ANPEP: variants seen among roughly 807,000 people sequenced by gnomAD.
ANPEP encodes alanyl aminopeptidase, membrane.
Under a neutral mutation model 114.6 loss-of-function variants are expected in ANPEP, and 70 were observed. The ratio of observed to expected loss-of-function variants is 0.61; its 90% confidence interval spans 0.50 to 0.75. ANPEP has a LOEUF of 0.75. Among genes scored for constraint, ANPEP ranks in the 30% least tolerant of loss-of-function variants. The pLI, the probability that ANPEP is intolerant of heterozygous loss-of-function variation, is 0.00. For missense variants in ANPEP, 1,184 were observed against 1,259.5 expected, an observed-to-expected ratio of 0.94 and a Z score of 0.91; for synonymous variants, 548 against 522.3, an observed-to-expected ratio of 1.05 and a Z score of -0.67.
chr15:89,808,373 G>A (rs929784869), intron 1 of ANPEP, among the ~76,000 whole-genome samples: 8 of 152,214 alleles, frequency 5.3e-5, no homozygotes, highest in Non-Finnish European at 7.3e-5. Flanking sequence ...AGAACTCAGC[G>A]TGGTTTTCCC....
intron 20 of ANPEP, among the ~76,000 whole-genome samples, chr15:89,789,775 CAA>C (rs57965822): frequency 6.2e-5 from 6 of 97,470 alleles, no homozygotes; most frequent in Non-Finnish European, 8.2e-5. Context: ...GACTCAGTCT[CAA>C]AAAAAAAAAA....
rs1968613478 is a variant in ANPEP at position 89,791,047 on chromosome 15, C to T, written c.2575G>A (p.Ala859Thr). 3.1e-6 allele frequency: 5 copies of T among 1,614,104 alleles called. No homozygotes were observed. Among genetic ancestry groups the T allele is most frequent in the Non-Finnish European group, 3.4e-6 (4 of 1,180,050 alleles). Residue 859 changes from alanine (A) to threonine (T), a missense_variant, in exon 19 of 21, where the codon GCC (alanine) becomes ACC (threonine). Transcript: ENST00000300060. ...GTAATGCTGATGATGGTAGAGGTGG[C>T]GTCCTGCTTCCGGATTAAGTCCGGG... is the stretch of plus-strand genomic sequence containing the variant. ...LNPDLIRKQD[A>T]TSTIISITNN...
intron 15 of ANPEP, chr15:89,797,356 T>C (rs1193963532): frequency 3.5e-6 from 2 of 574,508 alleles, no homozygotes; most frequent in Admixed American, 3.8e-5. Flanking sequence ...CCTCAGTGCC[T>C]GCTCACTCAC....
rs776376272 is a variant in ANPEP at position 89,805,964 on chromosome 15, A to G, written c.614+6T>C. ...CACCCCACCGGGCAGCCCAGCCGGA[A>G]CTCACTTTCTGACATTGCCCTCCAT... is the stretch of plus-strand genomic sequence containing the variant. On this transcript the variant is annotated splice_donor_region_variant and intron_variant, in intron 2 of 20. Transcript: ENST00000300060. 6.3e-7 allele frequency: 1 copy of G among 1,578,406 alleles called. No homozygotes were observed. The highest frequency in any genetic ancestry group is 2.3e-5 in the East Asian group (1 of 44,426).
At chr15:89,807,915 C>T (rs372868981) in intron 1 of ANPEP, among the ~76,000 whole-genome samples, 2 of 152,146 alleles carry the variant, frequency 1.3e-5, no homozygotes, top group African/African-American at 4.8e-5. Flanking sequence ...CCCACATTCC[C>T]CCATCGCAAG....
At chr15:89,797,767 C>A in intron 14 of ANPEP, 45 bp from the exon 15 acceptor site, 1 of 1,611,050 alleles carries the variant, frequency 6.2e-7, no homozygotes. Flanking sequence ...TCCACCCAGC[C>A]CAGCCACAGC....
chr15:89,797,360 C>T (rs998745605), intron 15 of ANPEP: 3 of 589,976 alleles, frequency 5.1e-6, no homozygotes, highest in Non-Finnish European at 8.3e-6. Context: ...AGTGCCTGCT[C>T]ACTCACCTCC....
intron 14 of ANPEP, among the ~76,000 whole-genome samples, chr15:89,798,116 T>C (rs1162243971): frequency 6.6e-6 from 1 of 152,220 alleles, no homozygotes; most frequent in Non-Finnish European, 1.5e-5. Flanking sequence ...TCTTCTGACT[T>C]TCTGGGCACT....
At chr15:89,801,692 G>A (rs2141805023) in intron 10 of ANPEP, 85 bp from the exon 11 acceptor site, 9 of 1,485,056 alleles carry the variant, frequency 6.1e-6, no homozygotes, top group South Asian at 2.6e-5. Flanking sequence ...TTCTCGCCTC[G>A]ACCCCGGGGG....
At chr15:89,790,359 G>T in intron 20 of ANPEP, 101 bp downstream of exon 20, 1 of 1,053,184 alleles carries the variant, frequency 9.5e-7, no homozygotes, top group Non-Finnish European at 1.5e-6. Flanking sequence ...CTGGCGGCGT[G>T]GAGCCTGTGC....
intron 15 of ANPEP, among the ~76,000 whole-genome samples, chr15:89,795,281 T>A (rs1439118): frequency 3.1e-4 from 47 of 151,882 alleles, no homozygotes; most frequent in African/African-American, 9.6e-4. Context: ...GGGGGCAGAA[T>A]AAAAAGTCAA....
rs751103479 is a variant in ANPEP, at chr15:89,805,145, G to A, written c.830C>T (p.Thr277Met). The A allele has an allele frequency of 6.8e-6, 11 of 1,614,118 alleles. No individual in the cohort carries two copies. The East Asian group carries it at 1.1e-4, about 16-fold the overall frequency. ...TEFHTTPKMS[T>M]YLLAFIVSEF... Reference sequence around the variant, plus strand: ...ACTGACAATGAAGGCCAGCAAGTACGTGGACATCTTGGGCGTGGTGTGGAA... The same window carrying A: ...ACTGACAATGAAGGCCAGCAAGTACATGGACATCTTGGGCGTGGTGTGGAA... Residue 277 changes from threonine (T) to methionine (M), a missense_variant, in exon 4 of 21, where the codon ACG becomes ATG. Coordinates refer to ENST00000300060, the MANE Select transcript of ANPEP (RefSeq NM_001150.3).
Position 89,797,486 on chromosome 15 carries a change from C to G in ANPEP, c.2157+89G>C. Reference sequence around the variant, plus strand: ...TTTGAAGGTTCCCTGACCAGGAGTCCAGTAGGCAATAGTCTATTAACTTCC... The same window carrying G: ...TTTGAAGGTTCCCTGACCAGGAGTCGAGTAGGCAATAGTCTATTAACTTCC... On this transcript the variant is annotated intron_variant, in intron 15 of 20. Coordinates refer to ENST00000300060, the MANE Select transcript of ANPEP (RefSeq NM_001150.3). The G allele has an allele frequency of 1.4e-6, 2 of 1,465,020 alleles. 1 individual carries two copies. The highest frequency in any genetic ancestry group is 4.9e-5 in the Admixed American group (2 of 40,978). The allele number at this position is 1,465,020 out of a possible 1,614,324, so 90.8% of individuals were successfully genotyped here.
At chr15:89,813,778 T>C (rs1894856386) in intron 1 of ANPEP, among the ~76,000 whole-genome samples, 2 of 151,764 alleles carry the variant, frequency 1.3e-5, no homozygotes. Flanking sequence ...CTTTCACAGG[T>C]GAATTAACTG....
At chr15:89,811,311 G>A (rs1894811314) in intron 1 of ANPEP, among the ~76,000 whole-genome samples, 1 of 152,116 alleles carries the variant, frequency 6.6e-6, no homozygotes, top group Non-Finnish European at 1.5e-5. Context: ...ATCATGGTTG[G>A]ATGTGTTAAT....
chr15:89,797,572 T>G lies in ANPEP; in HGVS notation c.2157+3A>C. On this transcript the variant is annotated splice_donor_region_variant and intron_variant, in intron 15 of 20. Coordinates refer to ENST00000300060, the MANE Select transcript of ANPEP (RefSeq NM_001150.3). ...TCTTGAACCCTACCATGCACCTCCGTACCTTCATGGGGCCATAGACCTCGG... is the reference window on the plus strand; with the variant it reads ...TCTTGAACCCTACCATGCACCTCCGGACCTTCATGGGGCCATAGACCTCGG... 6.2e-7 allele frequency: 1 copy of G among 1,612,328 alleles called. No individual in the cohort carries two copies. The highest frequency in any genetic ancestry group is 8.5e-7 in the Non-Finnish European group (1 of 1,179,030).
intron 15 of ANPEP, among the ~76,000 whole-genome samples, chr15:89,796,041 CCCATCTCTACAAAAGAT>C (rs1968720382): frequency 6.6e-6 from 1 of 152,172 alleles, no homozygotes; most frequent in Non-Finnish European, 1.5e-5. Flanking sequence ...ACAGAAAGAT[CCCATCTCTACAAAAGAT>C]GCATCTCTAC....
rs1894581880 is a variant in ANPEP, at chr15:89,801,205, G to C, written c.1743-18C>G. On this transcript the variant is annotated intron_variant, in intron 11 of 20. Coordinates refer to ENST00000300060, the MANE Select transcript of ANPEP (RefSeq NM_001150.3). The stretch of plus-strand genomic sequence containing the variant: ...ACACGTAGCTGCAATTAAAGATCCA[G>C]AGGTGGTGAGAGATGGCGGTGTGGT... 6.2e-7 allele frequency: 1 copy of C among 1,613,538 alleles called. No individual in the cohort carries two copies. Among genetic ancestry groups the C allele is most frequent in the African/African-American group, 1.3e-5 (1 of 74,916 alleles).
At chr15:89,790,833 G>C (rs1968606964) in intron 19 of ANPEP, 120 bp downstream of exon 19, 6 of 1,305,486 alleles carry the variant, frequency 4.6e-6, no homozygotes, top group African/African-American at 1.5e-5. Context: ...TAGCCCCCAG[G>C]CTTGGCTGAT....
Sources: gnomAD v4.1 joint callset for allele counts (sites outside exome capture counted in the v4.1 genomes callset) on GRCh38, gnomAD v4.1.1 for gene constraint, MANE v1.5 for transcripts, NCBI Gene and HGNC (gene_info 2026-07-23, HGNC 2026-07-21) for gene names.